Variants in TRDMT1 observed in about 807,000 individuals in gnomAD.
TRDMT1 encodes tRNA aspartic acid methyltransferase 1.
In TRDMT1, 49 loss-of-function variants were observed where a neutral mutation model predicts 51.2. The observed-to-expected ratio is 0.96, with a 90% CI of 0.76 to 1.21. The LOEUF (loss-of-function observed/expected upper bound fraction) is 1.21. TRDMT1 is among the 50% of genes most tolerant of loss of function. The pLI, the probability that TRDMT1 is intolerant of heterozygous loss-of-function variation, is 0.00. For synonymous variants in TRDMT1, 187 were observed against 164.6 expected (o/e 1.14, Z -1.04); for missense variants, 534 against 462.3 (o/e 1.16, Z -1.42).
At position 17,174,596 on chromosome 10, in the gene TRDMT1, G is replaced by C. The variant is rs779861910; in HGVS notation, c.129C>G (p.Tyr43Ter). ...ACTGTGTGTGAGGAAAATTATACTT[G>C]TATACTTCATTAGCGACAGTGTTGA... ...IDVNTVANEV[Y>*]KYNFPHTQLL... is the part of the protein sequence containing the mutation. The change falls in exon 2 of 11, where the codon TAC becomes TAG. Residue 43 changes from tyrosine (Y) to a stop codon, truncating the protein, a stop_gained. Coordinates refer to ENST00000377799, the MANE Select transcript of TRDMT1 (RefSeq NM_004412.7). LOFTEE classifies it high-confidence loss of function. 2 of 1,613,934 alleles carry C rather than the reference G, an allele frequency of 1.2e-6. No individual in the cohort carries two copies. Among genetic ancestry groups the C allele is most frequent in the South Asian group, 2.2e-5 (2 of 91,070 alleles).
chr10:17,148,546 T>A lies in TRDMT1; in HGVS notation c.*494A>T, dbSNP rs1838312358. On this transcript the variant is annotated 3_prime_UTR_variant, in exon 11 of 11. Transcript: ENST00000377799. ...ATAAACTGAATGATGATAATTTGGTTTACATATCATATGCATTTGTTTAGA... is the reference window on the plus strand; with the variant it reads ...ATAAACTGAATGATGATAATTTGGTATACATATCATATGCATTTGTTTAGA... The A allele has an allele frequency of 1.0e-6, 1 of 984,284 alleles. No homozygotes were observed. Among genetic ancestry groups the A allele is most frequent in the African/African-American group, 1.7e-5 (1 of 57,196 alleles). The allele number at this position is 984,284 out of a possible 1,614,324, so 61.0% of individuals were successfully genotyped here. A position where few individuals can be genotyped will look rare whatever the true frequency, so the allele number is the denominator to read the frequency against.
chr10:17,153,672 T>C (rs1839094584), intron 9 of TRDMT1, 36 bp from the exon 10 acceptor site: 7 of 1,533,084 alleles, frequency 4.6e-6, no homozygotes, highest in East Asian at 4.5e-5. Context: ...AAAAAAGTAA[T>C]GTGCAACTAG....
In TRDMT1 at chr10:17,143,526, A is replaced by G. The variant is rs535195579; in HGVS notation, c.*5514T>C. The G allele has an allele frequency of 1.8e-5, 18 of 985,458 alleles. No homozygotes were observed. In the African/African-American group the frequency reaches 3.1e-4, roughly 17 times the overall value. 61.0% of individuals were successfully genotyped at this position (985,458 alleles called of 1,614,324 possible). ...TGTGAAATTTAACTGGACTTGTGTA[A>G]GGAACCAGCTAAGTGAGTAAAATAG... On this transcript the variant is annotated 3_prime_UTR_variant, in exon 11 of 11. Coordinates refer to ENST00000377799, the MANE Select transcript of TRDMT1 (RefSeq NM_004412.7).
At chr10:17,162,025 T>C (rs189427839) in intron 4 of TRDMT1, 141 bp downstream of exon 4, 1 of 741,430 alleles carries the variant, frequency 1.3e-6, no homozygotes, top group Non-Finnish European at 2.3e-6. Flanking sequence ...TTAGTCATGG[T>C]AGGAGAAGAT....
Position 17,152,215 on chromosome 10 carries a change from A to C in TRDMT1, c.1075+1292T>G, listed in dbSNP as rs914935697. Reference sequence around the variant, plus strand: ...AATGCTGTCACTCGTTTTGTGACATAAACTACAAGGAAAGTTTGTGTTTTT... The same window carrying C: ...AATGCTGTCACTCGTTTTGTGACATCAACTACAAGGAAAGTTTGTGTTTTT... On this transcript the variant is annotated intron_variant, in intron 10 of 10. Coordinates refer to ENST00000377799, the MANE Select transcript of TRDMT1 (RefSeq NM_004412.7). 13 of 610,488 alleles carry C rather than the reference A, an allele frequency of 2.1e-5. No homozygotes were observed. In the African/African-American group the frequency reaches 2.5e-4, roughly 12 times the overall value. 37.8% of individuals were successfully genotyped at this position (610,488 alleles called of 1,614,324 possible).
rs144357480 is a variant in TRDMT1, at chr10:17,162,646, C to G, written c.252-409G>C. On this transcript the variant is annotated intron_variant, in intron 3 of 10. Coordinates refer to ENST00000377799, the MANE Select transcript of TRDMT1 (RefSeq NM_004412.7). ...ACACTTGAGCCCGGGAGTTCCAGAC[C>G]AGCCTGGCCAACATGGCAAAACTCC... is the stretch of plus-strand genomic sequence containing the variant. 9.9e-3 allele frequency among the ~76,000 whole-genome samples: 1,504 copies of G among 152,182 alleles called. 20 individuals are homozygous for G. The highest frequency in any genetic ancestry group is 0.035 in the African/African-American group (1,443 of 41,512).
intron 1 of TRDMT1, chr10:17,201,356 G>C (rs1408486623): frequency 5.9e-6 from 3 of 512,306 alleles, no homozygotes; most frequent in East Asian, 3.5e-5. Context: ...GCGGCCCCTC[G>C]AGCCAGACTC....
At chr10:17,162,630 C>A (rs1021072394) in intron 3 of TRDMT1, among the ~76,000 whole-genome samples, 1 of 151,920 alleles carries the variant, frequency 6.6e-6, no homozygotes, top group Non-Finnish European at 1.5e-5. Context: ...AACACTTGAG[C>A]CCGGGAGTTC....
chr10:17,180,163 T>G (rs1204319016), intron 1 of TRDMT1, among the ~76,000 whole-genome samples: 1 of 152,236 alleles, frequency 6.6e-6, no homozygotes, highest in African/African-American at 2.4e-5. Context: ...TATGTTTGTC[T>G]ATTAATTTGC....
intron 6 of TRDMT1, among the ~76,000 whole-genome samples, chr10:17,159,541 T>G (rs1476775119): frequency 6.6e-6 from 1 of 152,146 alleles, no homozygotes; most frequent in Non-Finnish European, 1.5e-5. Flanking sequence ...TGATAATATA[T>G]TAATAATTTA....
At chr10:17,184,818 G>A (rs1305168189) in intron 1 of TRDMT1, among the ~76,000 whole-genome samples, 2 of 151,972 alleles carry the variant, frequency 1.3e-5, no homozygotes, top group Non-Finnish European at 2.9e-5. Flanking sequence ...TCAGCATTAG[G>A]CATTCTTATT....
chr10:17,178,131 T>A (rs938955862), intron 1 of TRDMT1, among the ~76,000 whole-genome samples: 1 of 152,196 alleles, frequency 6.6e-6, no homozygotes, highest in Admixed American at 6.5e-5. Flanking sequence ...CTATATCTCA[T>A]ATAGGTGAGT....
chr10:17,175,153 T>A (rs550781771), intron 1 of TRDMT1, among the ~76,000 whole-genome samples: 80 of 152,334 alleles, frequency 5.3e-4, no homozygotes, highest in Middle Eastern at 6.8e-3. Context: ...TGAGATGTAA[T>A]TCACATTTGA....
At chr10:17,192,834 C>G (rs927952507) in intron 1 of TRDMT1, among the ~76,000 whole-genome samples, 3 of 152,126 alleles carry the variant, frequency 2.0e-5, no homozygotes, top group African/African-American at 7.2e-5. Context: ...GTGGAAAAAG[C>G]TTTCAATAAA....
intron 2 of TRDMT1, among the ~76,000 whole-genome samples, chr10:17,172,568 CA>C (rs1171778958): frequency 6.6e-6 from 1 of 152,024 alleles, no homozygotes; most frequent in Non-Finnish European, 1.5e-5. Flanking sequence ...TACTCAAAAG[CA>C]CCAAGGTAAT....
intron 1 of TRDMT1, among the ~76,000 whole-genome samples, chr10:17,179,305 G>A (rs1842987730): frequency 6.6e-6 from 1 of 152,100 alleles, no homozygotes; most frequent in South Asian, 2.1e-4. Flanking sequence ...AAGAGAAAAA[G>A]CAATTTAGCT....
intron 8 of TRDMT1, among the ~76,000 whole-genome samples, chr10:17,156,689 A>G (rs944367867): frequency 6.6e-6 from 1 of 152,236 alleles, no homozygotes; most frequent in African/African-American, 2.4e-5. Flanking sequence ...TACCTACACC[A>G]TGAAAACAGA....
In TRDMT1 at chr10:17,146,236, C is replaced by T; in HGVS notation, c.*2804G>A. On this transcript the variant is annotated 3_prime_UTR_variant, in exon 11 of 11. Transcript: ENST00000377799. ...ACAATTTCAACTACTGTTTTTGCCT[C>T]TTTAGAAGGCTCTCCTTTTTGAGGA... The T allele has an allele frequency of 3.0e-6, 3 of 985,456 alleles. No homozygotes were observed. The highest frequency in any genetic ancestry group is 3.6e-6 in the Non-Finnish European group (3 of 829,936). 61.0% of individuals were successfully genotyped at this position (985,456 alleles called of 1,614,324 possible).
Position 17,146,358 on chromosome 10 carries a change from G to T in TRDMT1, c.*2682C>A. On this transcript the variant is annotated 3_prime_UTR_variant, in exon 11 of 11. Transcript: ENST00000377799. ...TCTGATTTCACAGACAGAACACCAT[G>T]GCCAGGGTCCTCTGTGAAGGTGATG... The T allele has an allele frequency of 1.0e-6, 1 of 985,420 alleles. No homozygotes were observed. Among genetic ancestry groups the T allele is most frequent in the African/African-American group, 1.7e-5 (1 of 57,354 alleles). 61.0% of individuals were successfully genotyped at this position (985,420 alleles called of 1,614,324 possible).
Sources: gnomAD v4.1 joint callset for allele counts (sites outside exome capture counted in the v4.1 genomes callset) on GRCh38, gnomAD v4.1.1 for gene constraint, MANE v1.5 for transcripts, NCBI Gene and HGNC (gene_info 2026-07-23, HGNC 2026-07-21) for gene names.